NR2F1: variants seen among roughly 807,000 people sequenced by gnomAD.
NR2F1 encodes COUP transcription factor 1.
In NR2F1, 1 loss-of-function variant was observed where a neutral mutation model predicts 37.7. That is an observed-to-expected ratio of 0.03 (90% CI 0.01 to 0.13). The LOEUF is 0.13. Among genes scored for constraint, NR2F1 ranks in the 10% least tolerant of loss-of-function variants. The pLI is 1.00. For synonymous variants in NR2F1, 275 were observed against 259.6 expected, an observed-to-expected ratio of 1.06 and a Z score of -0.57; for missense variants, 268 against 578.4, an observed-to-expected ratio of 0.46 and a Z score of 5.50.
chr5:93,587,832 C>T, intron 1 of NR2F1, 85 bp from the exon 2 acceptor site: 2 of 1,378,654 alleles, frequency 1.5e-6, no homozygotes, highest in South Asian at 1.4e-5. Context: ...AGAGCTTCTG[C>T]ATTGTGTTGG....
chr5:93,590,027 C>T (rs1753304345), intron 2 of NR2F1, among the ~76,000 whole-genome samples: 1 of 152,232 alleles, frequency 6.6e-6, no homozygotes, highest in African/African-American at 2.4e-5. Context: ...TATTTGAATG[C>T]ATTTTATCTT....
At chr5:93,592,725 A>G (rs1006024947) in intron 2 of NR2F1, among the ~76,000 whole-genome samples, 4 of 126,994 alleles carry the variant, frequency 3.1e-5, no homozygotes, top group Non-Finnish European at 4.7e-5. Flanking sequence ...CCTGTAGCCT[A>G]GCTTTGTGTC....
chr5:93,589,957 C>G (rs1409384976), intron 2 of NR2F1, among the ~76,000 whole-genome samples: 1 of 152,184 alleles, frequency 6.6e-6, no homozygotes, highest in Non-Finnish European at 1.5e-5. Context: ...GTTATTCTTT[C>G]CAAGAGGATA....
intron 1 of NR2F1, chr5:93,587,620 G>A (rs1442290484): frequency 2.6e-6 from 1 of 379,458 alleles, no homozygotes. Context: ...TGGCTTAGGG[G>A]TTGGATGACA....
intron 2 of NR2F1, among the ~76,000 whole-genome samples, chr5:93,592,651 C>G (rs1415725582): frequency 7.1e-6 from 1 of 140,334 alleles, no homozygotes; most frequent in Non-Finnish European, 1.5e-5. Flanking sequence ...CCAAGTCCCC[C>G]CTCAACTCCC....
At chr5:93,590,413 TC>T (rs1216217471) in intron 2 of NR2F1, among the ~76,000 whole-genome samples, 57 of 152,344 alleles carry the variant, frequency 3.7e-4, no homozygotes, top group African/African-American at 1.3e-3. Flanking sequence ...ATTCATGCTT[TC>T]CTTTTAACTT....
Position 93,593,189 on chromosome 5 carries a change from C to G in NR2F1, c.992-373C>G, listed in dbSNP as rs1035039027. ...GGCCAGAAAGATGCTCCCTTGCAGG[C>G]CGAGGACAGGTTGTTAAGCGCAGCA... On this transcript the variant is annotated intron_variant, in intron 2 of 2. Transcript: ENST00000327111. This position sits in a 1 kb window ranked among gnomAD's most constrained non-coding sequence, Gnocchi z 5.6. 1.3e-5 allele frequency among the ~76,000 whole-genome samples: 2 copies of G among 152,172 alleles called. No individual in the cohort carries two copies. Among genetic ancestry groups the G allele is most frequent in the African/African-American group, 4.8e-5 (2 of 41,422 alleles).
intron 2 of NR2F1, among the ~76,000 whole-genome samples, chr5:93,590,279 G>C (rs538774589): frequency 1.3e-5 from 2 of 152,164 alleles, no homozygotes; most frequent in Non-Finnish European, 2.9e-5. Flanking sequence ...TCTCAGGAAA[G>C]GTCTCTCCTC....
At chr5:93,587,639 A>G (rs1487965914) in intron 1 of NR2F1, 3 of 426,066 alleles carry the variant, frequency 7.0e-6, no homozygotes, top group African/African-American at 2.0e-5. Context: ...CACTTTCTTG[A>G]CCTTGCCAGG....
chr5:93,585,626 C>A, intron 1 of NR2F1, 140 bp downstream of exon 1: 1 of 693,462 alleles, frequency 1.4e-6, no homozygotes, highest in South Asian at 1.9e-5. Flanking sequence ...CTCCCGGCTG[C>A]CTTCCTCCCC....
intron 2 of NR2F1, among the ~76,000 whole-genome samples, chr5:93,592,568 G>C (rs566688687): frequency 5.3e-5 from 8 of 152,078 alleles, no homozygotes; most frequent in African/African-American, 1.9e-4. Flanking sequence ...TAAGCACACA[G>C]ATTTTGAGGT....
Position 93,593,371 on chromosome 5 carries a change from G to A in NR2F1, c.992-191G>A, listed in dbSNP as rs577827284. Reference sequence around the variant, plus strand: ...TTATTTTTATTTGTATTGTATTGGGGGCGGGGGAGGAGGGAATGAAGAAGG... The same window carrying A: ...TTATTTTTATTTGTATTGTATTGGGAGCGGGGGAGGAGGGAATGAAGAAGG... On this transcript the variant is annotated intron_variant, in intron 2 of 2. Transcript: ENST00000327111. The surrounding 1 kb of genome is among the most constrained non-coding windows in gnomAD (Gnocchi z 5.6). 5.9e-5 allele frequency among the ~76,000 whole-genome samples: 9 copies of A among 152,178 alleles called. No homozygotes were observed. The highest frequency in any genetic ancestry group is 1.9e-4 in the African/African-American group (8 of 41,542).
chr5:93,592,404 CAA>C (rs1171463509), intron 2 of NR2F1, among the ~76,000 whole-genome samples: 1 of 151,900 alleles, frequency 6.6e-6, no homozygotes. Flanking sequence ...ATATAAGAAA[CAA>C]GTGGGTATTT....
chr5:93,585,699 T>A (rs1753220454), intron 1 of NR2F1: 2 of 545,882 alleles, frequency 3.7e-6, no homozygotes, highest in Non-Finnish European at 6.4e-6. Flanking sequence ...CCTGCGCTCA[T>A]CTCCCCGGCT....
chr5:93,585,588 G>A, intron 1 of NR2F1, 102 bp downstream of exon 1: 1 of 942,826 alleles, frequency 1.1e-6, no homozygotes. Flanking sequence ...TGGGGCTCCT[G>A]TGGTCCCGGC....
rs1554074872 is a variant in NR2F1 at position 93,588,454 on chromosome 5, C to T, written c.991+10C>T. On this transcript the variant is annotated intron_variant, in intron 2 of 2. Transcript: ENST00000327111. ...GTGCTGTTCACGTCAGGTGAGGCTG[C>T]GGTCGCGGGGAGGGCAGGCCGCGCC... 6.4e-7 allele frequency: 1 copy of T among 1,557,378 alleles called. No individual in the cohort carries two copies. Among genetic ancestry groups the T allele is most frequent in the Non-Finnish European group, 8.7e-7 (1 of 1,147,148 alleles).
In NR2F1 at chr5:93,588,241, A is replaced by G. The variant is rs1281166433; in HGVS notation, c.788A>G (p.Asn263Ser). Reference sequence around the variant, plus strand: ...ACCTGGAGCGAGCTGTTCGTGCTCAACGCGGCCCAGTGCTCTATGCCGCTG... The same window carrying G: ...ACCTGGAGCGAGCTGTTCGTGCTCAGCGCGGCCCAGTGCTCTATGCCGCTG... Reference protein sequence around the residue: ...RLTWSELFVLNAAQCSMPLHV... With the variant: ...RLTWSELFVLSAAQCSMPLHV... Residue 263 changes from asparagine (N) to serine (S), a missense_variant, in exon 2 of 3, where the codon AAC becomes AGC. Physicochemically the swap from Asn to Ser is conservative, Grantham distance 46. Coordinates refer to ENST00000327111, the MANE Select transcript of NR2F1 (RefSeq NM_005654.6). The G allele has an allele frequency of 3.1e-6, 5 of 1,613,726 alleles. No homozygotes were observed. In the Admixed American group the frequency reaches 5.0e-5, roughly 16 times the overall value.
In NR2F1 at chr5:93,593,863, G is replaced by T. The variant is rs980494268; in HGVS notation, c.*21G>T. 2 of 1,607,620 alleles carry T rather than the reference G, an allele frequency of 1.2e-6. No homozygotes were observed. On this transcript the variant is annotated 3_prime_UTR_variant, in exon 3 of 3. Transcript: ENST00000327111. This position sits in a 1 kb window ranked among gnomAD's most constrained non-coding sequence, Gnocchi z 5.6. ...CCTAGACCTTGGGCGCTTCCCACCTGCCCCGTCCCCCTAGAGACTCAGAGG... is the reference window on the plus strand; with the variant it reads ...CCTAGACCTTGGGCGCTTCCCACCTTCCCCGTCCCCCTAGAGACTCAGAGG...
intron 2 of NR2F1, 87 bp downstream of exon 2, chr5:93,588,531 G>A: frequency 1.0e-6 from 1 of 992,770 alleles, no homozygotes; most frequent in Non-Finnish European, 1.2e-6. Flanking sequence ...GGAGCCTCCC[G>A]CGCGGCCGGT....
Sources: gnomAD v4.1 joint callset for allele counts (sites outside exome capture counted in the v4.1 genomes callset) on GRCh38, gnomAD v4.1.1 for gene constraint, Gnocchi (gnomAD v3.1) non-coding constraint, MANE v1.5 for transcripts, NCBI Gene and HGNC (gene_info 2026-07-23, HGNC 2026-07-21) for gene names.